Variants in GSG1L observed in about 807,000 individuals in gnomAD.
The protein encoded by GSG1L is germ cell-specific gene 1-like protein.
In GSG1L, 24 loss-of-function variants were observed where a neutral mutation model predicts 42.1. That is an observed-to-expected ratio of 0.57 (90% CI 0.41 to 0.80). The LOEUF (loss-of-function observed/expected upper bound fraction) is 0.80. Ranked by LOEUF, GSG1L falls within the 30% of genes least tolerant of loss-of-function variation. The pLI, the probability that GSG1L is intolerant of heterozygous loss-of-function variation, is 0.00. For missense variants in GSG1L, 445 were observed against 472.2 expected (o/e 0.94, Z 0.53); for synonymous variants, 215 against 203.5 (o/e 1.06, Z -0.48).
At chr16:27,813,206 A>T (rs952131605) in intron 5 of GSG1L, among the ~76,000 whole-genome samples, 35 of 152,180 alleles carry the variant, frequency 2.3e-4, no homozygotes, top group African/African-American at 8.2e-4. Flanking sequence ...ATGAGCATAG[A>T]ACCCGATAGA....
chr16:27,806,796 C>T lies in GSG1L; in HGVS notation c.898+691G>A, dbSNP rs8054949. 6.5e-3 allele frequency among the ~76,000 whole-genome samples: 987 copies of T among 152,314 alleles called. 9 individuals are homozygous for T. The highest frequency in any genetic ancestry group is 0.044 in the Middle Eastern group (13 of 294). On this transcript the variant is annotated intron_variant, in intron 6 of 6. Coordinates refer to ENST00000447459, the MANE Select transcript of GSG1L (RefSeq NM_001109763.2). The stretch of plus-strand genomic sequence containing the variant: ...CTATGTGACCTTGGGCAAGTTACTC[C>T]ACCTCTCTGAGCCTTAATTTCCTCA...
At chr16:27,899,301 C>T (rs553711564) in intron 2 of GSG1L, among the ~76,000 whole-genome samples, 2 of 152,362 alleles carry the variant, frequency 1.3e-5, no homozygotes, top group South Asian at 2.1e-4. Flanking sequence ...AGCCAGGTCA[C>T]CTGCAGGCAA....
intron 5 of GSG1L, among the ~76,000 whole-genome samples, chr16:27,812,505 A>T (rs1405664660): frequency 6.6e-6 from 1 of 152,244 alleles, no homozygotes; most frequent in Admixed American, 6.5e-5. Flanking sequence ...TGTGGACAGT[A>T]GCAGGTGGTG....
chr16:28,005,624 G>T (rs75626864), intron 1 of GSG1L, among the ~76,000 whole-genome samples: 5,520 of 152,054 alleles, frequency 0.036, 267 homozygotes, highest in Admixed American at 0.14. Context: ...GAATGGTGGG[G>T]GGGGAGGGGC....
chr16:27,834,114 T>C (rs2083298826), intron 4 of GSG1L, among the ~76,000 whole-genome samples: 1 of 152,160 alleles, frequency 6.6e-6, no homozygotes, highest in African/African-American at 2.4e-5. Flanking sequence ...TTCCCCTTTA[T>C]TCTGAATTTT....
Position 27,884,356 on chromosome 16 carries a change from TA to T in GSG1L, c.550+129del. 2 of 826,786 alleles carry T rather than the reference TA, an allele frequency of 2.4e-6. No individual in the cohort carries two copies. Among genetic ancestry groups the T allele is most frequent in the Admixed American group, 2.9e-5 (1 of 34,200 alleles). 51.2% of individuals were successfully genotyped at this position (826,786 alleles called of 1,614,324 possible). A position where few individuals can be genotyped will look rare whatever the true frequency, so the allele number is the denominator to read the frequency against. On this transcript the variant is annotated intron_variant, in intron 3 of 6. Transcript: ENST00000447459. The surrounding 1 kb of genome is among the most constrained non-coding windows in gnomAD (Gnocchi z 4.4). ...TGCATTGGTCATTTTTTACAAACGA[TA>T]AAACTGAGGCTCACAGAAGAGAAGC...
chr16:28,016,828 T>C (rs753033983), intron 1 of GSG1L, among the ~76,000 whole-genome samples: 25 of 152,214 alleles, frequency 1.6e-4, no homozygotes, highest in Admixed American at 1.5e-3. Context: ...GGTTAAATGA[T>C]CTGTCCAAGG....
At position 28,003,468 on chromosome 16, in the gene GSG1L, G is replaced by A. The variant is rs564565440; in HGVS notation, c.350-40265C>T. ...TGTCCCTGTGACCAGCCCTACAGAAGCCAACCCACCTCCCAGAGTCCTCCA... is the reference window on the plus strand; with the variant it reads ...TGTCCCTGTGACCAGCCCTACAGAAACCAACCCACCTCCCAGAGTCCTCCA... On this transcript the variant is annotated intron_variant, in intron 1 of 6. Coordinates refer to ENST00000447459, the MANE Select transcript of GSG1L (RefSeq NM_001109763.2). 1.1e-4 allele frequency among the ~76,000 whole-genome samples: 17 copies of A among 152,246 alleles called. No homozygotes were observed. In the South Asian group the frequency reaches 3.5e-3, roughly 32 times the overall value.
chr16:28,045,805 G>T (rs2086152737), intron 1 of GSG1L, among the ~76,000 whole-genome samples: 1 of 151,506 alleles, frequency 6.6e-6, no homozygotes, highest in Non-Finnish European at 1.5e-5. Flanking sequence ...AGACCAGCCT[G>T]GGCAACATGG....
At chr16:27,945,485 C>T (rs903647140) in intron 2 of GSG1L, among the ~76,000 whole-genome samples, 1 of 152,176 alleles carries the variant, frequency 6.6e-6, no homozygotes, top group African/African-American at 2.4e-5. Flanking sequence ...CCTTTCTCTG[C>T]CTTTGGCAAA....
At chr16:27,970,147 G>T (rs2085178081) in intron 1 of GSG1L, among the ~76,000 whole-genome samples, 1 of 152,076 alleles carries the variant, frequency 6.6e-6, no homozygotes. Context: ...TTCTCTCATT[G>T]TGTGGCTTGT....
At chr16:27,914,149 G>A (rs2084423317) in intron 2 of GSG1L, among the ~76,000 whole-genome samples, 1 of 151,808 alleles carries the variant, frequency 6.6e-6, no homozygotes, top group Admixed American at 6.6e-5. Flanking sequence ...AAGTAATGAT[G>A]CAATTAGTAT....
intron 4 of GSG1L, among the ~76,000 whole-genome samples, chr16:27,840,545 G>A (rs78199614): frequency 6.6e-6 from 1 of 152,086 alleles, no homozygotes; most frequent in African/African-American, 2.4e-5. Context: ...CGCACTCACC[G>A]AGCAAACTCT....
At chr16:28,002,119 G>A (rs898449370) in intron 1 of GSG1L, among the ~76,000 whole-genome samples, 7 of 152,208 alleles carry the variant, frequency 4.6e-5, no homozygotes, top group Admixed American at 2.0e-4. Context: ...AAGATGTGAT[G>A]TTTTCATTCC....
chr16:27,895,207 A>G (rs567916441), intron 2 of GSG1L, among the ~76,000 whole-genome samples: 1 of 152,200 alleles, frequency 6.6e-6, no homozygotes, highest in Non-Finnish European at 1.5e-5. Flanking sequence ...GAGGCTTCAC[A>G]TTAAAAAAAT....
intron 1 of GSG1L, among the ~76,000 whole-genome samples, chr16:28,056,971 G>A (rs1024460724): frequency 6.6e-5 from 10 of 152,230 alleles, no homozygotes; most frequent in East Asian, 1.9e-4. Context: ...AGACTTGTAC[G>A]GGGTTGTCTT....
intron 3 of GSG1L, among the ~76,000 whole-genome samples, chr16:27,876,236 G>A (rs2083885734): frequency 6.6e-6 from 1 of 152,170 alleles, no homozygotes; most frequent in South Asian, 2.1e-4. Flanking sequence ...TTTCAGCACA[G>A]GTGAAGGTGG....
chr16:27,809,295 C>T lies in GSG1L; in HGVS notation c.831-1741G>A, dbSNP rs2140945661. On this transcript the variant is annotated intron_variant, in intron 5 of 6. Coordinates refer to ENST00000447459, the MANE Select transcript of GSG1L (RefSeq NM_001109763.2). Reference sequence around the variant, plus strand: ...GTGTGTGCTTCTAGTCCCAGCCACTCAGGAGGCTGAGGCAGGAGGATTGCT... The same window carrying T: ...GTGTGTGCTTCTAGTCCCAGCCACTTAGGAGGCTGAGGCAGGAGGATTGCT... Among the ~76,000 whole-genome samples, 4 of 152,206 alleles carry T rather than the reference C, an allele frequency of 2.6e-5. No individual in the cohort carries two copies. In the South Asian group the frequency reaches 8.3e-4, roughly 32 times the overall value.
Position 27,884,400 on chromosome 16 carries a change from C to A in GSG1L, c.550+86G>T. 1 of 1,298,864 alleles carries A rather than the reference C, an allele frequency of 7.7e-7. No homozygotes were observed. Among genetic ancestry groups the A allele is most frequent in the South Asian group, 1.5e-5 (1 of 65,304 alleles). 80.5% of individuals were successfully genotyped at this position (1,298,864 alleles called of 1,614,324 possible). ...AGAGAAGCAATTTGTCCAATGCCTC[C>A]CGGTTGGTACAACCAGGGCTTACTC... On this transcript the variant is annotated intron_variant, in intron 3 of 6. Transcript: ENST00000447459. The surrounding 1 kb of genome is among the most constrained non-coding windows in gnomAD (Gnocchi z 4.4).
Sources: allele counts gnomAD v4.1 joint callset (sites outside exome capture counted in the v4.1 genomes callset), GRCh38; gene constraint gnomAD v4.1.1; non-coding constraint Gnocchi (gnomAD v3.1); transcripts MANE v1.5; gene names NCBI Gene and HGNC (gene_info 2026-07-23, HGNC 2026-07-21).